Variants in MICAL2 observed in about 807,000 individuals in gnomAD.
MICAL2 encodes [F-actin]-monooxygenase MICAL2.
MICAL2 carries 77 observed loss-of-function variants against 127.3 expected under a neutral mutation model. That is an observed-to-expected ratio of 0.60 (90% CI 0.50 to 0.73). MICAL2 has a LOEUF of 0.73. Among genes scored for constraint, MICAL2 ranks in the 30% least tolerant of loss-of-function variants. The pLI, the probability that MICAL2 is intolerant of heterozygous loss-of-function variation, is 0.00. For missense variants in MICAL2, 1,351 were observed against 1,434.4 expected, an observed-to-expected ratio of 0.94 and a Z score of 0.94; for synonymous variants, 570 against 551.1, an observed-to-expected ratio of 1.03 and a Z score of -0.48.
intron 12 of MICAL2, among the ~76,000 whole-genome samples, chr11:12,223,737 GCT>G (rs1383046335): frequency 6.6e-6 from 1 of 152,200 alleles, no homozygotes. Flanking sequence ...TGTGTCGAGA[GCT>G]TCACACAGTA....
chr11:12,163,839 A>C (rs1323982384), intron 3 of MICAL2: 2 of 152,208 alleles, frequency 1.3e-5, no homozygotes, highest in Non-Finnish European at 2.9e-5. Context: ...TTTAGCTTCC[A>C]AAGTGTCATC....
At chr11:12,219,216 G>A (rs1203079113) in intron 8 of MICAL2, among the ~76,000 whole-genome samples, 2 of 152,152 alleles carry the variant, frequency 1.3e-5, no homozygotes, top group Non-Finnish European at 2.9e-5. Context: ...TCACCTTTGA[G>A]AAAGGTGGTC....
At chr11:12,149,363 T>C (rs911520789) in intron 2 of MICAL2, among the ~76,000 whole-genome samples, 3 of 152,164 alleles carry the variant, frequency 2.0e-5, no homozygotes, top group Non-Finnish European at 2.9e-5. Flanking sequence ...CAGGGAGCTG[T>C]TGAAGGATTT....
At chr11:12,111,539 G>A (rs1849607236) in intron 1 of MICAL2, among the ~76,000 whole-genome samples, 1 of 152,232 alleles carries the variant, frequency 6.6e-6, no homozygotes, top group Admixed American at 6.5e-5. Context: ...TTACTGGATG[G>A]GGATGAGGGG....
intron 2 of MICAL2, among the ~76,000 whole-genome samples, chr11:12,285,209 A>G (rs1183485922): frequency 1.3e-5 from 2 of 152,150 alleles, no homozygotes; most frequent in African/African-American, 4.8e-5. Context: ...CAGATGAGCC[A>G]GTTTATCAAT....
At chr11:12,251,293 T>C (rs1370642397) in intron 22 of MICAL2, among the ~76,000 whole-genome samples, 1 of 151,454 alleles carries the variant, frequency 6.6e-6, no homozygotes, top group Non-Finnish European at 1.5e-5. Flanking sequence ...AGCTAGTTAG[T>C]TATATCCTCA....
intron 32 of MICAL2, among the ~76,000 whole-genome samples, chr11:12,341,833 AAAAG>A (rs1160655718): frequency 3.3e-5 from 5 of 149,592 alleles, no homozygotes; most frequent in East Asian, 2.0e-4. Context: ...TCTCAAAAAG[AAAAG>A]AAAAGAAAAG....
At chr11:12,355,413 A>T (rs1939115117) in intron 34 of MICAL2, among the ~76,000 whole-genome samples, 1 of 152,214 alleles carries the variant, frequency 6.6e-6, no homozygotes, top group African/African-American at 2.4e-5. Context: ...GAGTAGAGAT[A>T]AACTCAACTG....
At chr11:12,115,566 G>A (rs1369783997) in intron 1 of MICAL2, among the ~76,000 whole-genome samples, 1 of 152,048 alleles carries the variant, frequency 6.6e-6, no homozygotes, top group African/African-American at 2.4e-5. Flanking sequence ...CAACTCATCT[G>A]CCTTGACCTT....
chr11:12,119,246 C>A (rs1036127055), intron 1 of MICAL2, among the ~76,000 whole-genome samples: 1 of 152,164 alleles, frequency 6.6e-6, no homozygotes, highest in African/African-American at 2.4e-5. Flanking sequence ...TATGTTGTAT[C>A]TCTTCAGAAG....
At chr11:12,294,624 C>T (rs771386115), downstream of MICAL2, 1 of 1,614,092 alleles carries the variant, frequency 6.2e-7, no homozygotes, top group Admixed American at 1.7e-5. Flanking sequence ...TCACTTTTTT[C>T]CTCCCTCAGA....
intron 21 of MICAL2, among the ~76,000 whole-genome samples, chr11:12,245,778 C>T (rs1860651189): frequency 1.3e-5 from 2 of 152,200 alleles, no homozygotes. Flanking sequence ...TTGTCATCAC[C>T]ATCAGCAAGG....
At chr11:12,288,139 A>C (rs1362009658), downstream of MICAL2, among the ~76,000 whole-genome samples, 1 of 152,090 alleles carries the variant, frequency 6.6e-6, no homozygotes, top group Non-Finnish European at 1.5e-5. Context: ...CCAGGGCTGC[A>C]CTCTTGGGCA....
intron 2 of MICAL2, chr11:12,286,926 C>T (rs772975806): frequency 1.9e-4 from 75 of 389,494 alleles, no homozygotes; most frequent in Non-Finnish European, 3.2e-4. Flanking sequence ...GTTGTGGGGA[C>T]AGCAGTATGG....
intron 15 of MICAL2, among the ~76,000 whole-genome samples, chr11:12,233,635 C>T (rs909291720): frequency 6.6e-6 from 1 of 151,870 alleles, no homozygotes; most frequent in Non-Finnish European, 1.5e-5. Context: ...TTAATAAATG[C>T]CTTTTGGTAT....
At chr11:12,353,719 C>A (rs1939088463) in intron 33 of MICAL2, among the ~76,000 whole-genome samples, 1 of 152,162 alleles carries the variant, frequency 6.6e-6, no homozygotes, top group Non-Finnish European at 1.5e-5. Flanking sequence ...CTTTGCTGCT[C>A]CTCTCAGTGG....
At chr11:12,240,313 G>C (rs1401191799) in intron 17 of MICAL2, among the ~76,000 whole-genome samples, 2 of 152,120 alleles carry the variant, frequency 1.3e-5, no homozygotes, top group Non-Finnish European at 2.9e-5. Flanking sequence ...CTTCCTTTAG[G>C]GTGCTGTTGT....
At chr11:12,332,586 A>G (rs529820336) in intron 32 of MICAL2, among the ~76,000 whole-genome samples, 1 of 152,164 alleles carries the variant, frequency 6.6e-6, no homozygotes, top group Admixed American at 6.5e-5. Context: ...AAGAGAGTTT[A>G]TTATTCACAG....
At chr11:12,310,668 T>G (rs562234419) in intron 29 of MICAL2, among the ~76,000 whole-genome samples, 1 of 152,172 alleles carries the variant, frequency 6.6e-6, no homozygotes, top group Admixed American at 6.5e-5. Context: ...TCTTTCGTGG[T>G]TCTGTACAAA....
Sources: gnomAD v4.1 joint callset for allele counts (sites outside exome capture counted in the v4.1 genomes callset) on GRCh38, gnomAD v4.1.1 for gene constraint, MANE v1.5 for transcripts, NCBI Gene and HGNC (gene_info 2026-07-23, HGNC 2026-07-21) for gene names.